The following MYCN variants were observed in gnomAD, a reference collection of about 807,000 sequenced individuals.
MYCN encodes MYCN proto-oncogene, bHLH transcription factor, also known as N-myc proto-oncogene protein.
A neutral mutation model predicts 28.1 loss-of-function variants in MYCN; 3 were observed. The ratio of observed to expected loss-of-function variants is 0.11; its 90% confidence interval spans 0.05 to 0.28. MYCN has a LOEUF of 0.28. Ranked by LOEUF, MYCN falls within the 10% of genes least tolerant of loss-of-function variation. The probability of loss-of-function intolerance (pLI) is 1.00; values close to 1 mark genes in which losing one functional copy is unlikely to be tolerated. For missense variants in MYCN, 572 were observed against 651.4 expected (o/e 0.88, Z 1.33); for synonymous variants, 326 against 288.3 (o/e 1.13, Z -1.32).
At position 15,941,967 on chromosome 2, in the gene MYCN, C is replaced by T. The variant is rs1047169024; in HGVS notation, c.-98C>T. ...TTGCAGTGTTGGAGGTCGGCGCCGGCCCCCGCCTTCCGCGCCCCCCACGGG... is the reference window on the plus strand; with the variant it reads ...TTGCAGTGTTGGAGGTCGGCGCCGGTCCCCGCCTTCCGCGCCCCCCACGGG... On this transcript the variant is annotated 5_prime_UTR_variant, in exon 2 of 3. Coordinates refer to ENST00000281043, the MANE Select transcript of MYCN (RefSeq NM_005378.6). The surrounding 1 kb of genome is among the most constrained non-coding windows in gnomAD (Gnocchi z 4.8). 4.0e-6 allele frequency: 6 copies of T among 1,487,664 alleles called. No homozygotes were observed. Among genetic ancestry groups the T allele is most frequent in the Middle Eastern group, 1.8e-4 (1 of 5,688 alleles). 92.2% of individuals were successfully genotyped at this position (1,487,664 alleles called of 1,614,324 possible).
chr2:15,946,318 AC>A lies in MYCN; in HGVS notation c.*223del. 1.6e-6 allele frequency: 1 copy of A among 615,254 alleles called. No homozygotes were observed. The highest frequency in any genetic ancestry group is 2.9e-5 in the East Asian group (1 of 34,710). The allele number at this position is 615,254 out of a possible 1,614,324, so 38.1% of individuals were successfully genotyped here. A position where few individuals can be genotyped will look rare whatever the true frequency, so the allele number is the denominator to read the frequency against. ...GTGGCCCTGCAGCCTCCTCCACCTC[AC>A]CTCCATGACAGCGCTAAACGTTGGT... is the stretch of plus-strand genomic sequence containing the variant. On this transcript the variant is annotated 3_prime_UTR_variant, in exon 3 of 3. Transcript: ENST00000281043.
In MYCN at chr2:15,945,377, A is replaced by G. The variant is rs1037335038; in HGVS notation, c.791-116A>G. 48 of 1,200,658 alleles carry G rather than the reference A, an allele frequency of 4.0e-5. No individual in the cohort carries two copies. Among genetic ancestry groups the G allele is most frequent in the Non-Finnish European group, 5.4e-5 (45 of 832,318 alleles). The allele number at this position is 1,200,658 out of a possible 1,614,324, so 74.4% of individuals were successfully genotyped here. On this transcript the variant is annotated intron_variant, in intron 2 of 2. Transcript: ENST00000281043. This position sits in a 1 kb window ranked among gnomAD's most constrained non-coding sequence, Gnocchi z 4.8. ...TCTATGTTGATGGACCCATAAAAAT[A>G]GCAGTCTGCCAGGGTCTGCCGGAAG... is the stretch of plus-strand genomic sequence containing the variant.
chr2:15,940,966 G>C (rs1285440212), intron 1 of MYCN: 1 of 392,684 alleles, frequency 2.5e-6, no homozygotes, highest in East Asian at 3.6e-5. Flanking sequence ...TCCTTTTGCA[G>C]CCCTTACCGG....
rs1662650530 is a variant in MYCN at position 15,941,203 on chromosome 2, C to T, written c.-118+460C>T. Reference sequence around the variant, plus strand: ...GAGAGGCGGCTCTCCCGGCGACCCTCCTCGCGCGGGCGCCCCTGCCATTCC... The same window carrying T: ...GAGAGGCGGCTCTCCCGGCGACCCTTCTCGCGCGGGCGCCCCTGCCATTCC... On this transcript the variant is annotated intron_variant, in intron 1 of 2. Transcript: ENST00000281043. The surrounding 1 kb of genome is among the most constrained non-coding windows in gnomAD (Gnocchi z 4.8). 6.5e-6 allele frequency: 1 copy of T among 153,446 alleles called. No individual in the cohort carries two copies. Among genetic ancestry groups the T allele is most frequent in the African/African-American group, 2.4e-5 (1 of 41,516 alleles). The allele number at this position is 153,446 out of a possible 1,614,324, so 9.5% of individuals were successfully genotyped here. A position where few individuals can be genotyped will look rare whatever the true frequency, so the allele number is the denominator to read the frequency against.
rs1338058610 is a variant in MYCN, at chr2:15,946,759, GT to G, written c.*666del. The G allele has an allele frequency of 4.4e-6, 1 of 226,636 alleles. No homozygotes were observed. Among genetic ancestry groups the G allele is most frequent in the Non-Finnish European group, 8.8e-6 (1 of 113,972 alleles). 14.0% of individuals were successfully genotyped at this position (226,636 alleles called of 1,614,324 possible). On this transcript the variant is annotated 3_prime_UTR_variant, in exon 3 of 3. Coordinates refer to ENST00000281043, the MANE Select transcript of MYCN (RefSeq NM_005378.6). ...TTTCGTATGAAAATGAGTTGTGAAA[GT>G]TTTGAGTAGATATTACTTTATCACT...
chr2:15,945,354 T>C lies in MYCN; in HGVS notation c.791-139T>C. ...AAACAAATACAAAACTGTCCACATC[T>C]ATGTTGATGGACCCATAAAAATAGC... On this transcript the variant is annotated intron_variant, in intron 2 of 2. Coordinates refer to ENST00000281043, the MANE Select transcript of MYCN (RefSeq NM_005378.6). The surrounding 1 kb of genome is among the most constrained non-coding windows in gnomAD (Gnocchi z 4.8). 1 of 951,662 alleles carries C rather than the reference T, an allele frequency of 1.1e-6. No homozygotes were observed. 59.0% of individuals were successfully genotyped at this position (951,662 alleles called of 1,614,324 possible). A position where few individuals can be genotyped will look rare whatever the true frequency, so the allele number is the denominator to read the frequency against.
rs764741267 is a variant in MYCN at position 15,942,230 on chromosome 2, C to T, written c.166C>T (p.Leu56=). The change falls in exon 2 of 3, where the codon CTG becomes TTG. Residue 56 remains leucine (L), a synonymous_variant. Coordinates refer to ENST00000281043, the MANE Select transcript of MYCN (RefSeq NM_005378.6). This position sits in a 1 kb window ranked among gnomAD's most constrained non-coding sequence, Gnocchi z 7.0. ...GGACATCTGGAAGAAGTTTGAGCTG[C>T]TGCCCACGCCCCCGCTGTCGCCCAG... ...GEDIWKKFEL[L]PTPPLSPSRG... The T allele has an allele frequency of 1.7e-5, 28 of 1,613,144 alleles. 1 individual carries two copies. In the Admixed American group the frequency reaches 4.2e-4, roughly 24 times the overall value.
Position 15,942,446 on chromosome 2 carries a change from C to G in MYCN, c.382C>G (p.Arg128Gly), listed in dbSNP as rs1216742855. 1.9e-6 allele frequency: 3 copies of G among 1,596,290 alleles called. No homozygotes were observed. The highest frequency in any genetic ancestry group is 2.5e-6 in the Non-Finnish European group (3 of 1,177,168). ...CTTCTCCGCCCGCGAGAAGCTGGAG[C>G]GCGCCGTGAGCGAGAAGCTGCAGCA... is the stretch of plus-strand genomic sequence containing the variant. ...SGFSAREKLE[R>G]AVSEKLQHGR... The change falls in exon 2 of 3, where the codon CGC becomes GGC. Residue 128 changes from arginine (R) to glycine (G), a missense_variant. By Grantham distance (125) the Arg-to-Gly change is moderately radical. Transcript: ENST00000281043. The surrounding 1 kb of genome is among the most constrained non-coding windows in gnomAD (Gnocchi z 7.0).
At position 15,942,530 on chromosome 2, in the gene MYCN, A is replaced by G; in HGVS notation, c.466A>G (p.Ser156Gly). 2.2e-6 allele frequency: 3 copies of G among 1,339,578 alleles called. No individual in the cohort carries two copies. The highest frequency in any genetic ancestry group is 2.9e-6 in the Non-Finnish European group (3 of 1,051,010). The allele number at this position is 1,339,578 out of a possible 1,614,324, so 83.0% of individuals were successfully genotyped here. Reference protein sequence around the residue: ...TAQSPGAGAASPAGRGHGGAA... With the variant: ...TAQSPGAGAAGPAGRGHGGAA... ...CCAGTCCCCGGGAGCCGGCGCCGCC[A>G]GCCCTGCGGGTCGCGGGCACGGCGG... The change falls in exon 2 of 3, where the codon AGC becomes GGC. Residue 156 changes from serine to glycine, a missense_variant. Around this residue, in one of 3 missense-constraint regions of MYCN, gnomAD observed 499 missense variants for 524.3 expected, o/e 0.95. Transcript: ENST00000281043. This position sits in a 1 kb window ranked among gnomAD's most constrained non-coding sequence, Gnocchi z 7.0.
chr2:15,942,036 C>T lies in MYCN; in HGVS notation c.-29C>T, dbSNP rs377590323. The T allele has an allele frequency of 2.2e-5, 36 of 1,612,796 alleles. No homozygotes were observed. The highest frequency in any genetic ancestry group is 6.7e-5 in the Admixed American group (4 of 59,992). On this transcript the variant is annotated 5_prime_UTR_variant, in exon 2 of 3. Coordinates refer to ENST00000281043, the MANE Select transcript of MYCN (RefSeq NM_005378.6). The surrounding 1 kb of genome is among the most constrained non-coding windows in gnomAD (Gnocchi z 7.0). ...TTAAAACGAACGGGGCGGAAAGAAG[C>T]CCTCAGTCGCCGGCCGGGAGGCGAG...
rs1007593827 is a variant in MYCN, at chr2:15,940,606, A to G, written c.-255A>G. The G allele has an allele frequency of 1.0e-5, 4 of 400,256 alleles. No individual in the cohort carries two copies. Among genetic ancestry groups the G allele is most frequent in the Non-Finnish European group, 1.8e-5 (4 of 226,248 alleles). 24.8% of individuals were successfully genotyped at this position (400,256 alleles called of 1,614,324 possible). A position where few individuals can be genotyped will look rare whatever the true frequency, so the allele number is the denominator to read the frequency against. ...GGGTGGATGCGGGGGGCTCCTGGGA[A>G]CTGTGTTGGAGCCGAGCAAGCGCTA... On this transcript the variant is annotated 5_prime_UTR_variant, in exon 1 of 3. Coordinates refer to ENST00000281043, the MANE Select transcript of MYCN (RefSeq NM_005378.6).
chr2:15,941,764 T>G lies in MYCN; in HGVS notation c.-117-184T>G. On this transcript the variant is annotated intron_variant, in intron 1 of 2. Coordinates refer to ENST00000281043, the MANE Select transcript of MYCN (RefSeq NM_005378.6). This position sits in a 1 kb window ranked among gnomAD's most constrained non-coding sequence, Gnocchi z 4.8. Reference sequence around the variant, plus strand: ...CTCCCACCCCCTGTCGTAGACAGCTTGTACACAAAAGGAGGGCGGGAGGGA... The same window carrying G: ...CTCCCACCCCCTGTCGTAGACAGCTGGTACACAAAAGGAGGGCGGGAGGGA... The G allele has an allele frequency of 1.9e-6, 1 of 537,534 alleles. No homozygotes were observed. The highest frequency in any genetic ancestry group is 3.4e-6 in the Non-Finnish European group (1 of 297,128). 33.3% of individuals were successfully genotyped at this position (537,534 alleles called of 1,614,324 possible).
chr2:15,943,787 G>A (rs985057139), intron 2 of MYCN, among the ~76,000 whole-genome samples: 1 of 152,208 alleles, frequency 6.6e-6, no homozygotes, highest in Non-Finnish European at 1.5e-5. Flanking sequence ...AGGACTCACT[G>A]ATTAGTTCTA....
Position 15,941,906 on chromosome 2 carries a change from GC to G in MYCN, c.-117-38del. 1.2e-6 allele frequency: 1 copy of G among 855,270 alleles called. No homozygotes were observed. The highest frequency in any genetic ancestry group is 1.8e-6 in the Non-Finnish European group (1 of 544,972). 53.0% of individuals were successfully genotyped at this position (855,270 alleles called of 1,614,324 possible). Reference sequence around the variant, plus strand: ...CGCCCATTGCCTATCCCCTCGGTCTGCCCCGTTTGCCCACCCTCTCCGGTGT... The same window carrying G: ...CGCCCATTGCCTATCCCCTCGGTCTGCCCGTTTGCCCACCCTCTCCGGTGT... On this transcript the variant is annotated intron_variant, in intron 1 of 2. Coordinates refer to ENST00000281043, the MANE Select transcript of MYCN (RefSeq NM_005378.6). This position sits in a 1 kb window ranked among gnomAD's most constrained non-coding sequence, Gnocchi z 4.8.
rs751904867 is a variant in MYCN at position 15,946,094 on chromosome 2, C to G, written c.1392C>G (p.Cys464Trp). The change falls in exon 3 of 3, where the codon TGC becomes TGG. Residue 464 changes from cysteine to tryptophan, a missense_variant. Transcript: ENST00000281043. ...AGAAAATTGAACACGCTCGGACTTG[C>G]TAGACGCTTCTCAAAACTGGACAGT... Reference protein sequence around the residue: ...LLKKIEHARTC With the variant: ...LLKKIEHARTW The G allele has an allele frequency of 6.2e-5, 100 of 1,614,022 alleles. No homozygotes were observed. The highest frequency in any genetic ancestry group is 1.6e-4 in the Middle Eastern group (1 of 6,084).
At chr2:15,940,976 G>A in intron 1 of MYCN, 1 of 390,060 alleles carries the variant, frequency 2.6e-6, no homozygotes, top group Non-Finnish European at 4.5e-6. Context: ...GCCCTTACCG[G>A]GGGGAGTAAT....
chr2:15,942,013 A>C lies in MYCN; in HGVS notation c.-52A>C. 2 of 1,610,214 alleles carry C rather than the reference A, an allele frequency of 1.2e-6. No individual in the cohort carries two copies. The highest frequency in any genetic ancestry group is 1.7e-6 in the Non-Finnish European group (2 of 1,178,790). ...ACGGGAAGGAAGCACCCCCGGTATTAAAACGAACGGGGCGGAAAGAAGCCC... is the reference window on the plus strand; with the variant it reads ...ACGGGAAGGAAGCACCCCCGGTATTCAAACGAACGGGGCGGAAAGAAGCCC... On this transcript the variant is annotated 5_prime_UTR_variant, in exon 2 of 3. Coordinates refer to ENST00000281043, the MANE Select transcript of MYCN (RefSeq NM_005378.6). This position sits in a 1 kb window ranked among gnomAD's most constrained non-coding sequence, Gnocchi z 7.0.
intron 2 of MYCN, among the ~76,000 whole-genome samples, chr2:15,944,661 G>A (rs1052383349): frequency 6.6e-6 from 1 of 152,180 alleles, no homozygotes; most frequent in Admixed American, 6.5e-5. Flanking sequence ...AGTCCACAGG[G>A]CAGACTGGTG....
At chr2:15,944,737 A>G (rs927160290) in intron 2 of MYCN, among the ~76,000 whole-genome samples, 4 of 152,262 alleles carry the variant, frequency 2.6e-5, no homozygotes, top group African/African-American at 7.2e-5. Flanking sequence ...CTAAGTCTAC[A>G]TGTTATCTGT....
Sources: gnomAD v4.1 joint callset for allele counts (sites outside exome capture counted in the v4.1 genomes callset) on GRCh38, gnomAD v4.1.1 for gene constraint, gnomAD v4.1.1 regional missense constraint, Gnocchi (gnomAD v3.1) non-coding constraint, MANE v1.5 for transcripts, NCBI Gene and HGNC (gene_info 2026-07-23, HGNC 2026-07-21) for gene names.